NBPF9: variants seen among roughly 807,000 people sequenced by gnomAD.
The protein encoded by NBPF9 is NBPF member 9.
A neutral mutation model predicts 97.8 loss-of-function variants in NBPF9; 91 were observed. The observed-to-expected ratio is 0.93, with a 90% CI of 0.79 to 1.11. NBPF9 has a LOEUF of 1.11. NBPF9 is among the 50% of genes least tolerant of loss of function. The pLI, the probability that NBPF9 is intolerant of heterozygous loss-of-function variation, is 0.00. For missense variants in NBPF9, 992 were observed against 939.5 expected, an observed-to-expected ratio of 1.06 and a Z score of -0.73; for synonymous variants, 334 against 359.5, an observed-to-expected ratio of 0.93 and a Z score of 0.80.
intron 27 of NBPF9, among the ~76,000 whole-genome samples, chr1:149,057,740 C>CACAA (rs2078310416): frequency 6.1e-5 from 6 of 98,444 alleles, no homozygotes; most frequent in South Asian, 4.1e-4. Flanking sequence ...CACACACACA[C>CACAA]ACACACACAC....
chr1:149,076,645 G>A (rs2079898580), intron 11 of NBPF9, among the ~76,000 whole-genome samples: 3 of 149,590 alleles, frequency 2.0e-5, no homozygotes, highest in South Asian at 4.3e-4. Context: ...TGGGACTACA[G>A]GCGCCCACCA....
intron 2 of NBPF9, among the ~76,000 whole-genome samples, chr1:149,101,804 GT>G (rs1187670430): frequency 1.3e-5 from 2 of 151,504 alleles, no homozygotes; most frequent in African/African-American, 4.9e-5. Flanking sequence ...GTAATACTAA[GT>G]TTTATCATTC....
At chr1:149,086,876 T>G (rs1379076845) in intron 5 of NBPF9, among the ~76,000 whole-genome samples, 2 of 152,136 alleles carry the variant, frequency 1.3e-5, no homozygotes, top group East Asian at 3.9e-4. Context: ...CAGATCATTG[T>G]GCAGACACAG....
chr1:149,075,578 G>A (rs1158047051), intron 12 of NBPF9, 77 bp downstream of exon 12: 27 of 1,397,848 alleles, frequency 1.9e-5, no homozygotes, highest in South Asian at 1.3e-4. Context: ...ATTTTTGATG[G>A]AGAGAGCACT....
At chr1:149,097,865 T>C (rs1471621281) in intron 4 of NBPF9, among the ~76,000 whole-genome samples, 1 of 152,108 alleles carries the variant, frequency 6.6e-6, no homozygotes, top group Non-Finnish European at 1.5e-5. Context: ...TCCCACAGGA[T>C]TCTGGAATGG....
chr1:149,072,745 G>C, exon 14 of NBPF9: 2 of 1,611,322 alleles, frequency 1.2e-6, no homozygotes, highest in Non-Finnish European at 1.7e-6. Context: ...ACAAGGTGCT[G>C]TGCCAGTCTA....
intron 10 of NBPF9, 34 bp from the exon 11 acceptor site, chr1:149,077,453 A>G: frequency 1.9e-6 from 3 of 1,602,414 alleles, no homozygotes; most frequent in African/African-American, 2.7e-5. Flanking sequence ...ATGACAGAAG[A>G]TTAAACACAG....
intron 4 of NBPF9, among the ~76,000 whole-genome samples, chr1:149,098,089 G>A (rs2081909480): frequency 6.6e-6 from 1 of 151,540 alleles, no homozygotes; most frequent in South Asian, 2.1e-4. Context: ...AGGTGAAAGG[G>A]GACGGCAGGG....
intron 11 of NBPF9, 102 bp from the exon 12 acceptor site, chr1:149,075,966 T>C: frequency 4.8e-6 from 5 of 1,034,686 alleles, no homozygotes. Context: ...GTTTACTTAT[T>C]TGAAGATGTT....
intron 17 of NBPF9, chr1:149,065,935 C>CAGACTCTCCCTGTAA (rs1553651612): frequency 1.7e-6 from 1 of 605,860 alleles, no homozygotes; most frequent in Admixed American, 3.0e-5. Flanking sequence ...TCAGGGCACC[C>CAGACTCTCCCTGTAA]AGACTCTCCC....
In NBPF9 at chr1:149,072,699, G is replaced by C; in HGVS notation, c.1306+19C>G. 1 of 1,611,704 alleles carries C rather than the reference G, an allele frequency of 6.2e-7. No homozygotes were observed. Among genetic ancestry groups the C allele is most frequent in the East Asian group, 2.2e-5 (1 of 44,838 alleles). On this transcript the variant is annotated intron_variant, in intron 14 of 29. Transcript: ENST00000584027. The stretch of plus-strand genomic sequence containing the variant: ...ATAAGCCTGGGGTTTTGGGTCAACA[G>C]GGCCTATGGCCACCTTACCTGGGCT...
intron 5 of NBPF9, among the ~76,000 whole-genome samples, chr1:149,088,326 T>C (rs1210065609): frequency 6.6e-6 from 1 of 151,900 alleles, no homozygotes; most frequent in South Asian, 2.1e-4. Flanking sequence ...CTAGCATTGT[T>C]AACAAACACA....
intron 21 of NBPF9, 58 bp downstream of exon 21, chr1:149,062,804 G>T (rs2078717735): frequency 1.3e-6 from 1 of 752,552 alleles, no homozygotes; most frequent in Non-Finnish European, 2.4e-6. Flanking sequence ...GTTTTCCCTG[G>T]ACCTGGCATC....
chr1:149,064,028 A>C (rs1262827639), intron 19 of NBPF9, among the ~76,000 whole-genome samples: 1 of 123,510 alleles, frequency 8.1e-6, no homozygotes, highest in African/African-American at 3.1e-5. Context: ...ACACACACAC[A>C]CACACACACA....
chr1:149,055,720 A>C (rs587646346), exon 30 of NBPF9: 11 of 1,611,818 alleles, frequency 6.8e-6, no homozygotes, highest in East Asian at 2.2e-5. Flanking sequence ...CAAAGTAAAA[A>C]ACCTATTGTC....
At chr1:149,092,816 A>C (rs2081492417) in intron 4 of NBPF9, 1 of 846,972 alleles carries the variant, frequency 1.2e-6, no homozygotes. Context: ...TATTTCAGGC[A>C]CTTGAGGAGT....
In NBPF9 at chr1:149,093,514, C is replaced by G. The variant is rs2081549606; in HGVS notation, c.-336-2620G>C. On this transcript the variant is annotated intron_variant, in intron 4 of 29. Coordinates refer to ENST00000584027, the Ensembl canonical transcript of NBPF9. ...CTATCACATGGGGAGAAACCTTGGA[C>G]AATACCTGGCTTTCCTAGGCAGAGG... 3.4e-5 allele frequency among the ~76,000 whole-genome samples: 5 copies of G among 148,574 alleles called. 1 individual carries two copies. In the South Asian group the frequency reaches 1.1e-3, roughly 33 times the overall value.
intron 10 of NBPF9, among the ~76,000 whole-genome samples, 194 bp downstream of exon 10, chr1:149,077,689 T>TA (rs1183722885): frequency 6.6e-6 from 1 of 152,082 alleles, no homozygotes; most frequent in African/African-American, 2.4e-5. Flanking sequence ...CCCTGTATGG[T>TA]ACAGACATGA....
intron 20 of NBPF9, 92 bp downstream of exon 20, chr1:149,063,541 C>G (rs2078783536): frequency 5.7e-6 from 4 of 699,616 alleles, no homozygotes; most frequent in African/African-American, 1.9e-5. Context: ...GCAATGACAT[C>G]TCTCAGCTCA....
Sources: gnomAD v4.1 joint callset for allele counts (sites outside exome capture counted in the v4.1 genomes callset) on GRCh38, gnomAD v4.1.1 for gene constraint, MANE v1.5 for transcripts, NCBI Gene and HGNC (gene_info 2026-07-23, HGNC 2026-07-21) for gene names.